ASTL: variants seen among roughly 807,000 people sequenced by gnomAD.
The protein encoded by ASTL is astacin-like metalloendopeptidase.
A neutral mutation model predicts 36.7 loss-of-function variants in ASTL; 27 were observed. The observed-to-expected ratio is 0.73, with a 90% confidence interval of 0.54 to 1.01. ASTL has a LOEUF of 1.01. ASTL is among the 50% of genes least tolerant of loss of function. The probability of loss-of-function intolerance (pLI) is 0.00; values close to 1 mark genes in which losing one functional copy is unlikely to be tolerated. For missense variants in ASTL, 524 were observed against 572.8 expected (o/e 0.91, Z 0.87); for synonymous variants, 222 against 228.1 (o/e 0.97, Z 0.24).
At chr2:96,133,862 T>G (rs1573915343) in intron 4 of ASTL, 103 bp downstream of exon 4, 1 of 793,568 alleles carries the variant, frequency 1.3e-6, no homozygotes, top group Non-Finnish European at 2.2e-6. Context: ...GGTGGGGAGG[T>G]GGAAGGGATG....
rs1283551240 is a variant in ASTL, at chr2:96,132,413, T to TC, written c.637+126dup. The TC allele has an allele frequency of 1.2e-6, 1 of 838,714 alleles. No individual in the cohort carries two copies. The highest frequency in any genetic ancestry group is 1.8e-6 in the Non-Finnish European group (1 of 556,370). The allele number at this position is 838,714 out of a possible 1,614,324, so 52.0% of individuals were successfully genotyped here. A position where few individuals can be genotyped will look rare whatever the true frequency, so the allele number is the denominator to read the frequency against. On this transcript the variant is annotated intron_variant, in intron 6 of 8. Coordinates refer to ENST00000342380, the MANE Select transcript of ASTL (RefSeq NM_001002036.4). This position sits in a 1 kb window ranked among gnomAD's most constrained non-coding sequence, Gnocchi z 5.4. ...CCAGACAGAAGTGAGACCCCCACCT[T>TC]CCCCACAGGAAGCAGGCAGGTGATG...
intron 1 of ASTL, 131 bp from the exon 2 acceptor site, chr2:96,137,831 C>A: frequency 2.1e-6 from 2 of 956,436 alleles, no homozygotes; most frequent in South Asian, 1.7e-5. Context: ...GGCTCCAGCA[C>A]AAAGCCAAGG....
Position 96,129,877 on chromosome 2 carries a change from C to CGGGTGATGTCCGAGGCACT in ASTL, c.802_820dup (p.Arg274GlnfsTer33). ...GCTGCAGCCGTAGAGTTTGAGGACC[C>CGGGTGATGTCCGAGGCACT]GGGTGATGTCCGAGGCACTCAGGTT... On this transcript the variant is annotated frameshift_variant, in exon 8 of 9. Transcript: ENST00000342380. LOFTEE classifies it high-confidence loss of function. 1 of 1,600,614 alleles carries CGGGTGATGTCCGAGGCACT rather than the reference C, an allele frequency of 6.2e-7. No homozygotes were observed.
rs368868764 is a variant in ASTL, at chr2:96,132,770, C to T, written c.456-49G>A. The stretch of plus-strand genomic sequence containing the variant: ...GGGTAAGTGCCAGCCCAGATCCCTC[C>T]GGACATACAGACCTGGGCTCTCCCT... On this transcript the variant is annotated intron_variant, in intron 5 of 8. Coordinates refer to ENST00000342380, the MANE Select transcript of ASTL (RefSeq NM_001002036.4). The surrounding 1 kb of genome is among the most constrained non-coding windows in gnomAD (Gnocchi z 5.4). The T allele has an allele frequency of 3.1e-5, 48 of 1,544,004 alleles. 1 individual carries two copies. In the East Asian group the frequency reaches 5.7e-4, roughly 18 times the overall value.
chr2:96,130,763 G>A (rs970779102), intron 6 of ASTL, among the ~76,000 whole-genome samples: 3 of 152,098 alleles, frequency 2.0e-5, no homozygotes, highest in African/African-American at 4.8e-5. Flanking sequence ...CCTCTCCATG[G>A]AGCAAATGAG....
chr2:96,127,593 C>T lies in ASTL; in HGVS notation c.874+2231G>A, dbSNP rs547109208. Among the ~76,000 whole-genome samples the T allele has an allele frequency of 3.9e-5, 6 of 152,056 alleles. No homozygotes were observed. In the South Asian group the frequency reaches 6.2e-4, roughly 16 times the overall value. On this transcript the variant is annotated intron_variant, in intron 8 of 8. Coordinates refer to ENST00000342380, the MANE Select transcript of ASTL (RefSeq NM_001002036.4). The stretch of plus-strand genomic sequence containing the variant: ...TTTTTCTATTTGATTTTTTTCTTTG[C>T]GACAGAGTCTGGCTCTGTTACCCAG...
At chr2:96,135,561 A>C in intron 2 of ASTL, 149 bp from the exon 3 acceptor site, 1 of 692,658 alleles carries the variant, frequency 1.4e-6, no homozygotes, top group Non-Finnish European at 2.5e-6. Flanking sequence ...GCCTGATAAA[A>C]GTATAGGTCA....
In ASTL at chr2:96,124,161, T is replaced by G. The variant is rs960002647; in HGVS notation, c.985A>C (p.Ser329Arg). ...ESRSPDPSGS[S>R]AGGQPVPAGP... The stretch of plus-strand genomic sequence containing the variant: ...GCAGGAACGGGCTGGCCTCCCGCAC[T>G]GGAACCACTGGGGTCGGGGCTCCTG... Residue 329 changes from serine to arginine, a missense_variant, in exon 9 of 9, where the codon AGT becomes CGT. Transcript: ENST00000342380. The surrounding 1 kb of genome is among the most constrained non-coding windows in gnomAD (Gnocchi z 4.1). 6.4e-7 allele frequency: 1 copy of G among 1,553,930 alleles called. No individual in the cohort carries two copies. Among genetic ancestry groups the G allele is most frequent in the Admixed American group, 1.9e-5 (1 of 51,508 alleles).
chr2:96,134,120 G>T, intron 3 of ASTL, 62 bp from the exon 4 acceptor site: 1 of 1,144,012 alleles, frequency 8.7e-7, no homozygotes. Flanking sequence ...TGTGCCCCAA[G>T]GGTACCACAC....
intron 3 of ASTL, 68 bp from the exon 4 acceptor site, chr2:96,134,126 C>T (rs1204285345): frequency 2.8e-6 from 3 of 1,063,810 alleles, no homozygotes; most frequent in South Asian, 2.6e-5. Flanking sequence ...CCAAGGGTAC[C>T]ACACCCCAGG....
At chr2:96,137,865 A>G in intron 1 of ASTL, 165 bp from the exon 2 acceptor site, 1 of 669,170 alleles carries the variant, frequency 1.5e-6, no homozygotes. Context: ...TCCCTGCTCA[A>G]CCCCAACTGG....
chr2:96,124,696 G>A lies in ASTL; in HGVS notation c.875-425C>T, dbSNP rs1458359106. Among the ~76,000 whole-genome samples, 4 of 152,118 alleles carry A rather than the reference G, an allele frequency of 2.6e-5. No individual in the cohort carries two copies. Among genetic ancestry groups the A allele is most frequent in the Non-Finnish European group, 5.9e-5 (4 of 68,020 alleles). ...TGGCCACATCTAAACCCTGCACCGTGCCAGGAGGTAGGTTGGGGCTTCCTT... is the reference window on the plus strand; with the variant it reads ...TGGCCACATCTAAACCCTGCACCGTACCAGGAGGTAGGTTGGGGCTTCCTT... On this transcript the variant is annotated intron_variant, in intron 8 of 8. Coordinates refer to ENST00000342380, the MANE Select transcript of ASTL (RefSeq NM_001002036.4). The surrounding 1 kb of genome is among the most constrained non-coding windows in gnomAD (Gnocchi z 4.1).
chr2:96,133,581 T>A, intron 4 of ASTL, 39 bp from the exon 5 acceptor site: 1 of 1,471,224 alleles, frequency 6.8e-7, no homozygotes, highest in Non-Finnish European at 9.5e-7. Context: ...AGAGCCCTGG[T>A]GGTCTTTGAG....
Position 96,124,010 on chromosome 2 carries a change from G to A in ASTL, c.1136C>T (p.Pro379Leu), listed in dbSNP as rs767448744. The A allele has an allele frequency of 4.3e-6, 7 of 1,614,062 alleles. No individual in the cohort carries two copies. In the Admixed American group the frequency reaches 1.2e-4, roughly 27 times the overall value. ...CCAGGACTGCTCCTGAGCAACACCG[G>A]GGGCACCTGCTCCAGGCCTTGATCT... ...SPRSRPGAGA[P>L]GVAQEQSWLA... The change falls in exon 9 of 9, where the codon CCC becomes CTC. Residue 379 changes from proline to leucine, a missense_variant. By Grantham distance (98) the Pro-to-Leu change is moderately conservative. Coordinates refer to ENST00000342380, the MANE Select transcript of ASTL (RefSeq NM_001002036.4). The surrounding 1 kb of genome is among the most constrained non-coding windows in gnomAD (Gnocchi z 4.1).
chr2:96,133,051 GC>G (rs1054799010), intron 5 of ASTL, among the ~76,000 whole-genome samples: 8 of 152,172 alleles, frequency 5.3e-5, no homozygotes, highest in African/African-American at 1.9e-4. Context: ...ATTGCCTCAG[GC>G]CCCTGACAAG....
chr2:96,123,706 CAG>C lies in ASTL; in HGVS notation c.*142_*143del. 1.5e-6 allele frequency: 1 copy of C among 653,724 alleles called. No homozygotes were observed. Among genetic ancestry groups the C allele is most frequent in the South Asian group, 1.9e-5 (1 of 52,214 alleles). 40.5% of individuals were successfully genotyped at this position (653,724 alleles called of 1,614,324 possible). A position where few individuals can be genotyped will look rare whatever the true frequency, so the allele number is the denominator to read the frequency against. On this transcript the variant is annotated 3_prime_UTR_variant, in exon 9 of 9. Coordinates refer to ENST00000342380, the MANE Select transcript of ASTL (RefSeq NM_001002036.4). ...CTTAGGGGAACACAGTGAAGAGAGACAGGGGAAGAGTCCTGGCCCTCTGAGAT... is the reference window on the plus strand; with the variant it reads ...CTTAGGGGAACACAGTGAAGAGAGACGGGAAGAGTCCTGGCCCTCTGAGAT...
chr2:96,133,617 GCTC>G, intron 4 of ASTL, 75 bp from the exon 5 acceptor site: 1 of 1,079,482 alleles, frequency 9.3e-7, no homozygotes, highest in South Asian at 1.3e-5. Context: ...TGGGAGCAGA[GCTC>G]TGAACTCACT....
At chr2:96,130,550 C>A (rs183526799) in intron 6 of ASTL, among the ~76,000 whole-genome samples, 1 of 152,240 alleles carries the variant, frequency 6.6e-6, no homozygotes, top group African/African-American at 2.4e-5. Context: ...AAAGCTGCCA[C>A]GCTGTCATCT....
intron 4 of ASTL, 126 bp from the exon 5 acceptor site, chr2:96,133,668 G>T (rs1682233397): frequency 2.7e-6 from 2 of 744,794 alleles, no homozygotes; most frequent in Non-Finnish European, 4.6e-6. Context: ...GCTTAGTGGT[G>T]CCAGGAAGAA....
Sources: gnomAD v4.1 joint callset for allele counts (sites outside exome capture counted in the v4.1 genomes callset) on GRCh38, gnomAD v4.1.1 for gene constraint, Gnocchi (gnomAD v3.1) non-coding constraint, MANE v1.5 for transcripts, NCBI Gene and HGNC (gene_info 2026-07-23, HGNC 2026-07-21) for gene names.